Variants in SPMIP4 observed in about 807,000 individuals in gnomAD.
The protein encoded by SPMIP4 is sperm-associated microtubule inner protein 4.
chr7:25,169,152 G>A, the SPMIP4 span, among the ~76,000 whole-genome samples: 1 of 152,114 alleles, frequency 6.6e-6, no homozygotes, highest in Non-Finnish European at 1.5e-5. Flanking sequence ...CACTTTGGGA[G>A]GCCAAGGCAG....
the SPMIP4 span, chr7:25,136,523 T>C: frequency 6.2e-7 from 1 of 1,614,192 alleles, no homozygotes. The surrounding 1 kb of genome is among the most constrained non-coding windows in gnomAD (Gnocchi z 5.7). Context: ...AGTTCATAGG[T>C]AGACAGCAAG....
chr7:25,129,463 C>G, the SPMIP4 span, among the ~76,000 whole-genome samples: 1 of 152,166 alleles, frequency 6.6e-6, no homozygotes, highest in South Asian at 2.1e-4. Flanking sequence ...GTCCCTTCCG[C>G]AAGCACACTG....
At chr7:25,180,168 G>C in the SPMIP4 span, 9 of 152,664 alleles carry the variant, frequency 5.9e-5, no homozygotes, top group African/African-American at 2.2e-4. Flanking sequence ...GACGGTGGCC[G>C]TGACCGCGGC....
At chr7:25,164,012 C>T in the SPMIP4 span, among the ~76,000 whole-genome samples, 1 of 152,216 alleles carries the variant, frequency 6.6e-6, no homozygotes, top group African/African-American at 2.4e-5. Flanking sequence ...TTTTGCCATA[C>T]TTACCGAACA....
chr7:25,137,301 C>CTTTTTTTTTTTTTT, the SPMIP4 span, among the ~76,000 whole-genome samples: 1 of 127,082 alleles, frequency 7.9e-6, no homozygotes. Flanking sequence ...GCTGAATTTT[C>CTTTTTTTTTTTTTT]TTTTTTTTTT....
the SPMIP4 span, chr7:25,151,472 C>A: frequency 3.3e-6 from 2 of 600,430 alleles, no homozygotes; most frequent in Admixed American, 5.9e-5. Flanking sequence ...ATCTGCCCAC[C>A]TTGGCTTCCC....
chr7:25,162,715 G>A, the SPMIP4 span, among the ~76,000 whole-genome samples: 4 of 151,894 alleles, frequency 2.6e-5, no homozygotes, highest in Admixed American at 2.0e-4. Context: ...CATGCACTAA[G>A]GTTTAAAAAA....
the SPMIP4 span, among the ~76,000 whole-genome samples, chr7:25,146,334 G>C: frequency 6.6e-6 from 1 of 152,172 alleles, no homozygotes; most frequent in Non-Finnish European, 1.5e-5. Flanking sequence ...GATGAGGAGA[G>C]AGAGAGACAG....
the SPMIP4 span, among the ~76,000 whole-genome samples, chr7:25,145,807 GCATGCAAAAC>G: frequency 6.6e-6 from 1 of 152,240 alleles, no homozygotes; most frequent in Non-Finnish European, 1.5e-5. Flanking sequence ...AATACCTATT[GCATGCAAAAC>G]CATGTACAAG....
chr7:25,154,277 T>C, the SPMIP4 span, among the ~76,000 whole-genome samples: 4 of 152,206 alleles, frequency 2.6e-5, no homozygotes, highest in African/African-American at 4.8e-5. Flanking sequence ...TCTTGAGTCT[T>C]TTCTACCTCA....
chr7:25,159,324 C>T, the SPMIP4 span, among the ~76,000 whole-genome samples: 17 of 152,288 alleles, frequency 1.1e-4, no homozygotes, highest in African/African-American at 2.9e-4. Context: ...ACAAAACTGA[C>T]CAAGTTCCTG....
chr7:25,155,182 A>G, the SPMIP4 span: 1 of 1,547,262 alleles, frequency 6.5e-7, no homozygotes, highest in Middle Eastern at 1.7e-4. Flanking sequence ...GGATATGGCA[A>G]GCAGATCTCT....
At chr7:25,156,386 G>C in the SPMIP4 span, among the ~76,000 whole-genome samples, 1 of 152,010 alleles carries the variant, frequency 6.6e-6, no homozygotes, top group Non-Finnish European at 1.5e-5. Flanking sequence ...CAAGAAATAT[G>C]ACCTAACAAA....
chr7:25,166,034 T>G, the SPMIP4 span, among the ~76,000 whole-genome samples: 12,332 of 152,032 alleles, frequency 0.081, 1,688 homozygotes, highest in African/African-American at 0.28. Context: ...CCTGAGAACA[T>G]GAGCTTCATG....
chr7:25,149,090 C>T, the SPMIP4 span, among the ~76,000 whole-genome samples: 18 of 152,318 alleles, frequency 1.2e-4, no homozygotes, highest in East Asian at 3.5e-3. Flanking sequence ...AGGTTACAGT[C>T]TGTTTATGCA....
At chr7:25,127,055 T>A in the SPMIP4 span, among the ~76,000 whole-genome samples, 1 of 152,342 alleles carries the variant, frequency 6.6e-6, no homozygotes, top group Admixed American at 6.5e-5. Flanking sequence ...GCTGCCAGAC[T>A]TATTAGAACT....
chr7:25,143,583 C>CA, the SPMIP4 span, among the ~76,000 whole-genome samples: 1 of 110,692 alleles, frequency 9.0e-6, no homozygotes, highest in South Asian at 3.1e-4. Context: ...AGTAAAGACA[C>CA]TTTTTTTTTT....
the SPMIP4 span, among the ~76,000 whole-genome samples, chr7:25,174,104 T>A: frequency 8.5e-5 from 13 of 152,196 alleles, no homozygotes; most frequent in African/African-American, 3.1e-4. The surrounding 1 kb of genome is among the most constrained non-coding windows in gnomAD (Gnocchi z 4.5). Flanking sequence ...TTCTTAAACA[T>A]TTTTAAAAAA....
At chr7:25,164,357 T>C in the SPMIP4 span, among the ~76,000 whole-genome samples, 1 of 152,170 alleles carries the variant, frequency 6.6e-6, no homozygotes, top group Non-Finnish European at 1.5e-5. Context: ...ATCCTGAATA[T>C]CAAGGGCCAG....
Sources: allele counts gnomAD v4.1 joint callset (sites outside exome capture counted in the v4.1 genomes callset), GRCh38; gene constraint gnomAD v4.1.1; non-coding constraint Gnocchi (gnomAD v3.1); transcripts MANE v1.5; gene names NCBI Gene and HGNC (gene_info 2026-07-23, HGNC 2026-07-21).